The following PSMD1 variants were observed in gnomAD, a reference collection of about 807,000 sequenced individuals.
PSMD1 encodes proteasome 26S subunit, non-ATPase 1.
PSMD1 carries 18 observed loss-of-function variants against 119.0 expected under a neutral mutation model. That is an observed-to-expected ratio of 0.15 (90% CI 0.10 to 0.22). The LOEUF (loss-of-function observed/expected upper bound fraction) is 0.22, where lower values mean the gene tolerates loss of function less well. PSMD1 is among the 10% of genes least tolerant of loss of function. The pLI is 1.00. For missense variants in PSMD1, 702 were observed against 1,158.5 expected (o/e 0.61, Z 5.72); for synonymous variants, 374 against 396.6 (o/e 0.94, Z 0.68).
intron 20 of PSMD1, 63 bp downstream of exon 20, chr2:231,161,572 C>T (rs1198484590): frequency 1.2e-5 from 18 of 1,440,166 alleles, no homozygotes; most frequent in Non-Finnish European, 1.5e-5. Context: ...TCATATTTAC[C>T]GCCCACTTGC....
At chr2:231,066,108 T>G (rs2125155262) in intron 4 of PSMD1, among the ~76,000 whole-genome samples, 1 of 152,362 alleles carries the variant, frequency 6.6e-6, no homozygotes, top group African/African-American at 2.4e-5. Context: ...TAGGTTTGTG[T>G]AAGTTCACTC....
At chr2:231,065,441 C>T (rs901387788) in intron 4 of PSMD1, among the ~76,000 whole-genome samples, 3 of 149,374 alleles carry the variant, frequency 2.0e-5, no homozygotes, top group East Asian at 2.0e-4. Context: ...TACAGGCGCC[C>T]GCCACCACAC....
chr2:231,144,185 G>A (rs1178337693), intron 17 of PSMD1, among the ~76,000 whole-genome samples: 1 of 151,634 alleles, frequency 6.6e-6, no homozygotes, highest in Non-Finnish European at 1.5e-5. Context: ...GCCTCTCAGA[G>A]TGTTGGGATT....
intron 18 of PSMD1, among the ~76,000 whole-genome samples, chr2:231,147,566 T>C (rs1485686228): frequency 1.3e-5 from 2 of 152,230 alleles, no homozygotes; most frequent in Non-Finnish European, 2.9e-5. Flanking sequence ...ATATCTCATG[T>C]ATCTTGTCAT....
chr2:231,117,101 C>A (rs958342860), intron 16 of PSMD1, among the ~76,000 whole-genome samples: 1 of 151,900 alleles, frequency 6.6e-6, no homozygotes, highest in East Asian at 1.9e-4. Flanking sequence ...ATTCTAAAAT[C>A]ATTTTTTAGT....
intron 1 of PSMD1, among the ~76,000 whole-genome samples, chr2:231,057,623 G>A (rs1693635969): frequency 6.6e-6 from 1 of 152,210 alleles, no homozygotes; most frequent in Admixed American, 6.5e-5. Flanking sequence ...CCCTAAAGAC[G>A]CCCTGGAGAT....
chr2:231,108,630 G>A, intron 16 of PSMD1: 1 of 1,614,002 alleles, frequency 6.2e-7, no homozygotes, highest in Non-Finnish European at 8.5e-7. Context: ...AGCCTCATTG[G>A]ACTCTGGTAC....
At chr2:231,061,845 C>T (rs1374985725) in intron 2 of PSMD1, among the ~76,000 whole-genome samples, 3 of 152,164 alleles carry the variant, frequency 2.0e-5, no homozygotes, top group African/African-American at 7.2e-5. Context: ...ACTGGGATTA[C>T]GGGTCTGAGC....
intron 16 of PSMD1, among the ~76,000 whole-genome samples, chr2:231,109,768 A>T (rs1198846901): frequency 6.6e-6 from 1 of 152,174 alleles, no homozygotes; most frequent in Non-Finnish European, 1.5e-5. Context: ...TTCAGAAGAG[A>T]ACCTGCTTTT....
intron 16 of PSMD1, chr2:231,123,698 A>C: frequency 6.2e-7 from 1 of 1,614,098 alleles, no homozygotes; most frequent in Non-Finnish European, 8.5e-7. Context: ...ACGTGAACAA[A>C]GGTGCTCTGC....
Position 231,080,259 on chromosome 2 carries a change from A to T in PSMD1, c.1358A>T (p.His453Leu). 6.2e-7 allele frequency: 1 copy of T among 1,613,094 alleles called. No individual in the cohort carries two copies. Residue 453 changes from histidine to leucine, a missense_variant, in exon 12 of 25, where the codon CAT becomes CTT. By Grantham distance (99) the His-to-Leu change is moderately conservative. Transcript: ENST00000308696. Reference sequence around the variant, plus strand: ...GCACTAGGTCTTATTCATGCCAATCATGGTGGTGATATAATTGACTATCTG... The same window carrying T: ...GCACTAGGTCTTATTCATGCCAATCTTGGTGGTGATATAATTGACTATCTG... ...LYALGLIHAN[H>L]GGDIIDYLLN...
intron 16 of PSMD1, chr2:231,109,181 C>A: frequency 6.2e-7 from 1 of 1,614,160 alleles, no homozygotes; most frequent in Non-Finnish European, 8.5e-7. Flanking sequence ...CACAGTCAAC[C>A]ATGTTAGGCG....
intron 16 of PSMD1, among the ~76,000 whole-genome samples, chr2:231,089,516 G>C (rs999084771): frequency 6.6e-6 from 1 of 152,086 alleles, no homozygotes; most frequent in East Asian, 1.9e-4. Context: ...GCTGTTCTAC[G>C]TGTTCTAGAA....
chr2:231,057,191 C>T, intron 1 of PSMD1, 150 bp downstream of exon 1: 3 of 986,808 alleles, frequency 3.0e-6, no homozygotes, highest in Non-Finnish European at 4.2e-6. Flanking sequence ...GGCCGGGGGG[C>T]TGGGAGTCTG....
intron 16 of PSMD1, among the ~76,000 whole-genome samples, chr2:231,136,629 T>C (rs1350791666): frequency 6.6e-6 from 1 of 152,150 alleles, no homozygotes; most frequent in East Asian, 1.9e-4. Context: ...ACTGTATCAT[T>C]TTGCTCTTAA....
At chr2:231,062,934 A>G (rs1693797027) in intron 4 of PSMD1, among the ~76,000 whole-genome samples, 2 of 152,174 alleles carry the variant, frequency 1.3e-5, no homozygotes, top group African/African-American at 2.4e-5. Flanking sequence ...AGTATGAGTA[A>G]CAAGTGGTAC....
chr2:231,067,168 T>C, intron 5 of PSMD1, 57 bp downstream of exon 5: 2 of 1,324,442 alleles, frequency 1.5e-6, no homozygotes, highest in Admixed American at 5.6e-5. Context: ...GCAAAGCAAG[T>C]TATTCAAACT....
chr2:231,152,117 C>A (rs1016480524), intron 18 of PSMD1, among the ~76,000 whole-genome samples: 1 of 151,772 alleles, frequency 6.6e-6, no homozygotes, highest in African/African-American at 2.4e-5. Context: ...CACCCGGCCA[C>A]GTGAGAATTT....
chr2:231,089,018 G>A (rs563388154), intron 16 of PSMD1, among the ~76,000 whole-genome samples: 2 of 152,328 alleles, frequency 1.3e-5, no homozygotes, highest in South Asian at 4.1e-4. Context: ...TAGTGCTCCG[G>A]AGAGAAGATC....
Sources: allele counts gnomAD v4.1 joint callset (sites outside exome capture counted in the v4.1 genomes callset), GRCh38; gene constraint gnomAD v4.1.1; transcripts MANE v1.5; gene names NCBI Gene and HGNC (gene_info 2026-07-23, HGNC 2026-07-21).